Variants in RNF157 observed in about 807,000 individuals in gnomAD.
RNF157 encodes E3 ubiquitin ligase RNF157.
Under a neutral mutation model 88.3 loss-of-function variants are expected in RNF157, and 55 were observed. The ratio of observed to expected loss-of-function variants is 0.62; its 90% CI spans 0.50 to 0.78. The LOEUF is 0.78. RNF157 is among the 30% of genes least tolerant of loss of function. The pLI is 0.00. For missense variants in RNF157, 788 were observed against 860.8 expected, an observed-to-expected ratio of 0.92 and a Z score of 1.06; for synonymous variants, 334 against 341.2, an observed-to-expected ratio of 0.98 and a Z score of 0.23.
chr17:76,237,875 G>A (rs2070308393), intron 1 of RNF157, among the ~76,000 whole-genome samples: 2 of 152,074 alleles, frequency 1.3e-5, no homozygotes, highest in African/African-American at 4.8e-5. Context: ...GAGAGGTCAG[G>A]AGTTCAAGAC....
intron 2 of RNF157, among the ~76,000 whole-genome samples, chr17:76,201,670 A>T (rs929573240): frequency 1.3e-5 from 2 of 152,084 alleles, no homozygotes; most frequent in Non-Finnish European, 2.9e-5. Flanking sequence ...ACACATACAT[A>T]TATTATTTTT....
chr17:76,222,856 T>A (rs1205173832), intron 1 of RNF157, among the ~76,000 whole-genome samples: 4 of 152,126 alleles, frequency 2.6e-5, no homozygotes, highest in Admixed American at 2.6e-4. Context: ...TGTCTATTAT[T>A]TCATATATAT....
chr17:76,184,821 A>G (rs1292991611), intron 2 of RNF157, among the ~76,000 whole-genome samples: 1 of 152,242 alleles, frequency 6.6e-6, no homozygotes, highest in Non-Finnish European at 1.5e-5. Flanking sequence ...AAAGAAATCA[A>G]TCCAAGAAAG....
Position 76,142,890 on chromosome 17 carries a change from A to G in RNF157, c.*2345T>C, listed in dbSNP as rs1184737364. ...GCACAGGCCTAGTGCAGCAGGAAGG[A>G]GCCCTGGGTCTCCATAGTTAGGCTG... On this transcript the variant is annotated 3_prime_UTR_variant, in exon 19 of 19. Coordinates refer to ENST00000269391, the MANE Select transcript of RNF157 (RefSeq NM_052916.3). The G allele has an allele frequency of 6.6e-6, 1 of 152,344 alleles. No homozygotes were observed. The highest frequency in any genetic ancestry group is 1.5e-5 in the Non-Finnish European group (1 of 68,102). The allele number at this position is 152,344 out of a possible 1,614,324, so 9.4% of individuals were successfully genotyped here. A position where few individuals can be genotyped will look rare whatever the true frequency, so the allele number is the denominator to read the frequency against.
At chr17:76,174,788 T>TA (rs1272749424) in intron 2 of RNF157, among the ~76,000 whole-genome samples, 3 of 152,260 alleles carry the variant, frequency 2.0e-5, no homozygotes, top group Non-Finnish European at 4.4e-5. Flanking sequence ...GCATCTGACT[T>TA]AATGTACGCA....
intron 18 of RNF157, among the ~76,000 whole-genome samples, chr17:76,145,881 G>A (rs140024857): frequency 0.011 from 1,626 of 152,252 alleles, 21 homozygotes; most frequent in African/African-American, 0.036. Context: ...AGGGAGGACA[G>A]TGTGAGGCTC....
chr17:76,145,486 G>GAGCCACAGC (rs1332517939), intron 18 of RNF157, 133 bp from the exon 19 acceptor site: 20 of 634,376 alleles, frequency 3.2e-5, no homozygotes, highest in Admixed American at 8.0e-5. Context: ...ATGACGGTGC[G>GAGCCACAGC]AGCCACAGCA....
rs140702707 is a variant in RNF157 at position 76,187,220 on chromosome 17, G to A, written c.208-13430C>T. Among the ~76,000 whole-genome samples, 1,480 of 150,732 alleles carry A rather than the reference G, an allele frequency of 9.8e-3. 15 individuals carry two copies. Among genetic ancestry groups the A allele is most frequent in the African/African-American group, 0.03 (1,239 of 40,990 alleles). ...TTTTCTTAAGATGGAGTCTCGCTCT[G>A]TCACCCAGGCTGGAGTGCAGTGGTG... On this transcript the variant is annotated intron_variant, in intron 2 of 18. Coordinates refer to ENST00000269391, the MANE Select transcript of RNF157 (RefSeq NM_052916.3).
chr17:76,142,714 A>C lies in RNF157; in HGVS notation c.*2521T>G, dbSNP rs1336874721. The C allele has an allele frequency of 1.3e-5, 2 of 152,372 alleles. No homozygotes were observed. The highest frequency in any genetic ancestry group is 2.9e-5 in the Non-Finnish European group (2 of 68,130). 9.4% of individuals were successfully genotyped at this position (152,372 alleles called of 1,614,324 possible). The stretch of plus-strand genomic sequence containing the variant: ...TCCCAGGTGAGGTGGGCAGGACCCT[A>C]ACTCCCAGGCCAGCCGGCTTAGAGT... On this transcript the variant is annotated 3_prime_UTR_variant, in exon 19 of 19. Coordinates refer to ENST00000269391, the MANE Select transcript of RNF157 (RefSeq NM_052916.3).
intron 1 of RNF157, among the ~76,000 whole-genome samples, chr17:76,230,730 C>T (rs377578045): frequency 6.7e-5 from 10 of 150,146 alleles, no homozygotes; most frequent in East Asian, 5.9e-4. Context: ...CCCAGCTACT[C>T]GGGAGGCTGG....
At position 76,142,579 on chromosome 17, in the gene RNF157, A is replaced by G. The variant is rs1466327632; in HGVS notation, c.*2656T>C. 1 of 152,222 alleles carries G rather than the reference A, an allele frequency of 6.6e-6. No homozygotes were observed. The highest frequency in any genetic ancestry group is 1.5e-5 in the Non-Finnish European group (1 of 68,028). The allele number at this position is 152,222 out of a possible 1,614,324, so 9.4% of individuals were successfully genotyped here. Reference sequence around the variant, plus strand: ...GTGTGACCACAAGTGTACTCCAGGGAGAGGGGTACACAGATGGCACAAGCA... The same window carrying G: ...GTGTGACCACAAGTGTACTCCAGGGGGAGGGGTACACAGATGGCACAAGCA... On this transcript the variant is annotated 3_prime_UTR_variant, in exon 19 of 19. Coordinates refer to ENST00000269391, the MANE Select transcript of RNF157 (RefSeq NM_052916.3).
At chr17:76,169,180 TTTC>T (rs760153636) in intron 3 of RNF157, among the ~76,000 whole-genome samples, 1 of 152,238 alleles carries the variant, frequency 6.6e-6, no homozygotes, top group Non-Finnish European at 1.5e-5. Context: ...TACTTGCGTC[TTTC>T]TTCTTCTATT....
intron 18 of RNF157, among the ~76,000 whole-genome samples, chr17:76,148,814 C>T (rs2068628562): frequency 6.6e-6 from 1 of 152,130 alleles, no homozygotes; most frequent in African/African-American, 2.4e-5. Flanking sequence ...CAAGTGATCA[C>T]TTGCCTCAGC....
rs766567177 is a variant in RNF157 at position 76,145,370 on chromosome 17, G to C, written c.1922-17C>G. On this transcript the variant is annotated splice_polypyrimidine_tract_variant and intron_variant, in intron 18 of 18. Transcript: ENST00000269391. ...GCCAGGCACCTGGGGAAGAGAAAATGAACATTACAGGAGCCAGACCTTTGG... is the reference window on the plus strand; with the variant it reads ...GCCAGGCACCTGGGGAAGAGAAAATCAACATTACAGGAGCCAGACCTTTGG... 6.3e-7 allele frequency: 1 copy of C among 1,592,262 alleles called. No individual in the cohort carries two copies. The highest frequency in any genetic ancestry group is 1.1e-5 in the South Asian group (1 of 90,108).
chr17:76,167,385 A>G (rs1165213149), intron 4 of RNF157, among the ~76,000 whole-genome samples: 2 of 152,242 alleles, frequency 1.3e-5, no homozygotes, highest in African/African-American at 4.8e-5. Context: ...ATTTGTCACT[A>G]TACCAAGATG....
intron 12 of RNF157, 45 bp downstream of exon 12, chr17:76,159,290 C>T: frequency 1.3e-6 from 2 of 1,528,544 alleles, no homozygotes; most frequent in African/African-American, 1.4e-5. Flanking sequence ...TGAAGCATTT[C>T]ATCAAGGATT....
At position 76,155,550 on chromosome 17, in the gene RNF157, C is replaced by T. The variant is rs376594896; in HGVS notation, c.1698+12G>A. 3 of 1,610,840 alleles carry T rather than the reference C, an allele frequency of 1.9e-6. No individual in the cohort carries two copies. Among genetic ancestry groups the T allele is most frequent in the Non-Finnish European group, 2.5e-6 (3 of 1,178,988 alleles). Reference sequence around the variant, plus strand: ...ACAGAGAAGCCAGGGCGGTTCCCGTCCCTTCCCTTACCTCTCCTTCTTCTG... The same window carrying T: ...ACAGAGAAGCCAGGGCGGTTCCCGTTCCTTCCCTTACCTCTCCTTCTTCTG... On this transcript the variant is annotated intron_variant, in intron 15 of 18. Transcript: ENST00000269391.
intron 2 of RNF157, among the ~76,000 whole-genome samples, chr17:76,202,126 TCTCACA>T (rs1276329668): frequency 9.2e-4 from 127 of 137,780 alleles, no homozygotes; most frequent in African/African-American, 3.0e-3. Context: ...TCTCTCTCTC[TCTCACA>T]CACACACACA....
At position 76,143,575 on chromosome 17, in the gene RNF157, TAA is replaced by T. The variant is rs1194281608; in HGVS notation, c.*1658_*1659del. On this transcript the variant is annotated 3_prime_UTR_variant, in exon 19 of 19. Transcript: ENST00000269391. ...GAACATTAGGTGGGGCCTGAAATGG[TAA>T]AGTCTACTGCAGTTTTTCAGAGAGG... 2.0e-5 allele frequency: 3 copies of T among 152,138 alleles called. No individual in the cohort carries two copies. The highest frequency in any genetic ancestry group is 4.4e-5 in the Non-Finnish European group (3 of 68,026). 9.4% of individuals were successfully genotyped at this position (152,138 alleles called of 1,614,324 possible).
Sources: allele counts gnomAD v4.1 joint callset (sites outside exome capture counted in the v4.1 genomes callset), GRCh38; gene constraint gnomAD v4.1.1; transcripts MANE v1.5; gene names NCBI Gene and HGNC (gene_info 2026-07-23, HGNC 2026-07-21).